MYBBP1A: variants seen among roughly 807,000 people sequenced by gnomAD.
MYBBP1A encodes the protein myb-binding protein 1A.
Under a neutral mutation model 136.3 loss-of-function variants are expected in MYBBP1A, and 147 were observed. The observed-to-expected ratio is 1.08, with a 90% CI of 0.94 to 1.24. The LOEUF is 1.24. Among genes scored for constraint, MYBBP1A ranks in the 50% most tolerant of loss-of-function variants. The pLI is 0.00. For synonymous variants in MYBBP1A, 947 were observed against 735.8 expected, an observed-to-expected ratio of 1.29 and a Z score of -4.65; for missense variants, 2,060 against 1,727.4, an observed-to-expected ratio of 1.19 and a Z score of -3.41.
Position 4,548,202 on chromosome 17 carries a change from G to A in MYBBP1A, c.1665C>T (p.His555=). 1.2e-6 allele frequency: 2 copies of A among 1,608,280 alleles called. No homozygotes were observed. The highest frequency in any genetic ancestry group is 2.2e-5 in the East Asian group (1 of 44,886). Residue 555 remains histidine (H), a synonymous_variant, in exon 12 of 26, where the codon CAC becomes CAT. Coordinates refer to ENST00000254718, the MANE Select transcript of MYBBP1A (RefSeq NM_014520.4). The surrounding 1 kb of genome is among the most constrained non-coding windows in gnomAD (Gnocchi z 4.2). ...LVQFADLLLN[H]SHNVTTVTPF... The stretch of plus-strand genomic sequence containing the variant: ...GTGTCACGGTGGTCACGTTGTGGCT[G>A]TGATTCAACAGGAGGTCTGCGAACT...
Position 4,539,613 on chromosome 17 carries a change from T to A in MYBBP1A, c.3789A>T (p.Gly1263=), listed in dbSNP as rs150145302. The A allele has an allele frequency of 1.7e-3, 2,760 of 1,613,942 alleles. 5 individuals carry two copies. The highest frequency in any genetic ancestry group is 7.4e-3 in the Middle Eastern group (45 of 6,062). Residue 1263 remains glycine (G), a synonymous_variant, in exon 26 of 26, where the codon GGA becomes GGT. Coordinates refer to ENST00000254718, the MANE Select transcript of MYBBP1A (RefSeq NM_014520.4). ...CAGGTTCCGTGGGGGACCCGGGAGC[T>A]CCATTCACCTGGGACGGCTTCTGGT... ...KKNQKPSQVN[G]APGSPTEPAG... is the part of the protein sequence containing the mutation.
chr17:4,547,686 G>A, intron 13 of MYBBP1A: 1 of 406,330 alleles, frequency 2.5e-6, no homozygotes, highest in Non-Finnish European at 4.4e-6. Flanking sequence ...CTGAGTCTTA[G>A]TTTCTCCATG....
chr17:4,548,405 A>C lies in MYBBP1A; in HGVS notation c.1557-95T>G. On this transcript the variant is annotated intron_variant, in intron 11 of 25. Transcript: ENST00000254718. The surrounding 1 kb of genome is among the most constrained non-coding windows in gnomAD (Gnocchi z 4.2). ...CCAGGGCTCGGTCTCCCGCCTCTCC[A>C]GGACCTACTAGAACTCCGGGGGCCT... 3 of 1,603,456 alleles carry C rather than the reference A, an allele frequency of 1.9e-6. No individual in the cohort carries two copies. The highest frequency in any genetic ancestry group is 2.6e-6 in the Non-Finnish European group (3 of 1,172,876).
Position 4,555,312 on chromosome 17 carries a change from C to T in MYBBP1A, c.13G>A (p.Asp5Asn). The change falls in exon 1 of 26, where the codon GAT becomes AAT. Residue 5 changes from aspartate (D) to asparagine (N), a missense_variant. Physicochemically the swap from Asp to Asn is conservative, Grantham distance 23. Coordinates refer to ENST00000254718, the MANE Select transcript of MYBBP1A (RefSeq NM_014520.4). MESR[D>N]PAQPMSPGEA... ...CCAGGCGACATCGGCTGGGCGGGATCCCGGCTCTCCATCTCCGCCACACTC... is the reference window on the plus strand; with the variant it reads ...CCAGGCGACATCGGCTGGGCGGGATTCCGGCTCTCCATCTCCGCCACACTC... 6.3e-7 allele frequency: 1 copy of T among 1,597,812 alleles called. No homozygotes were observed. Among genetic ancestry groups the T allele is most frequent in the Non-Finnish European group, 8.5e-7 (1 of 1,173,440 alleles).
At chr17:4,543,435 G>C in intron 19 of MYBBP1A, 1 of 524,246 alleles carries the variant, frequency 1.9e-6, no homozygotes, top group South Asian at 3.2e-5. Flanking sequence ...GCCTGCCTGG[G>C]GCACCCCTCC....
At chr17:4,546,354 T>C (rs1241946786) in intron 13 of MYBBP1A, among the ~76,000 whole-genome samples, 1 of 152,180 alleles carries the variant, frequency 6.6e-6, no homozygotes, top group Non-Finnish European at 1.5e-5. Flanking sequence ...CCTGACCTCG[T>C]GATCCACCCC....
At position 4,542,659 on chromosome 17, in the gene MYBBP1A, G is replaced by C. The variant is rs1167268860; in HGVS notation, c.2975C>G (p.Pro992Arg). The C allele has an allele frequency of 1.9e-6, 3 of 1,613,888 alleles. No homozygotes were observed. Among genetic ancestry groups the C allele is most frequent in the Non-Finnish European group, 2.5e-6 (3 of 1,179,940 alleles). The change falls in exon 21 of 26, where the codon CCC becomes CGC. Residue 992 changes from proline (P) to arginine (R), a missense_variant. Transcript: ENST00000254718. ...GCTGAGGAACATGGGAACTGTGAGG[G>C]GGCTGTTGCGCTTGGTCAGGAAGGA... Reference protein sequence around the residue: ...LSSFLTKRNSPLTVPMFLSLF... With the variant: ...LSSFLTKRNSRLTVPMFLSLF...
rs117781829 is a variant in MYBBP1A, at chr17:4,549,889, G to A, written c.1319+169C>T. ...ATCTCCCCATCCCGATCGCCAGTGT[G>A]GGGACACACAAGTAAACTGAGGCCT... On this transcript the variant is annotated intron_variant, in intron 9 of 25. Transcript: ENST00000254718. Among the ~76,000 whole-genome samples the A allele has an allele frequency of 4.2e-3, 632 of 152,206 alleles. 2 individuals are homozygous for A. The highest frequency in any genetic ancestry group is 0.024 in the Middle Eastern group (7 of 292).
chr17:4,548,283 G>C lies in MYBBP1A; in HGVS notation c.1584C>G (p.Phe528Leu). ...FSLLQTLSTQ[F>L]KQAPGQTQGG... ...CCTGGGTCTGGCCCGGTGCCTGCTT[G>C]AACTGCGTGCTGAGGGTCTGCAACA... The change falls in exon 12 of 26, where the codon TTC (phenylalanine) becomes TTG (leucine). Residue 528 changes from phenylalanine to leucine, a missense_variant. Transcript: ENST00000254718. The surrounding 1 kb of genome is among the most constrained non-coding windows in gnomAD (Gnocchi z 4.2). 1.2e-6 allele frequency: 2 copies of C among 1,612,576 alleles called. No individual in the cohort carries two copies. Among genetic ancestry groups the C allele is most frequent in the Non-Finnish European group, 1.7e-6 (2 of 1,179,996 alleles).
chr17:4,548,097 C>A lies in MYBBP1A; in HGVS notation c.1725-40G>T. 6.2e-7 allele frequency: 1 copy of A among 1,601,828 alleles called. No homozygotes were observed. The highest frequency in any genetic ancestry group is 8.5e-7 in the Non-Finnish European group (1 of 1,177,770). On this transcript the variant is annotated intron_variant, in intron 12 of 25. Transcript: ENST00000254718. This position sits in a 1 kb window ranked among gnomAD's most constrained non-coding sequence, Gnocchi z 4.2. Reference sequence around the variant, plus strand: ...GCGATTCCCAGGCCCCTGCACCAGTCAGACTGCAGCGTCCTGCCCACCCCC... The same window carrying A: ...GCGATTCCCAGGCCCCTGCACCAGTAAGACTGCAGCGTCCTGCCCACCCCC...
At chr17:4,549,594 C>T (rs1367377684) in intron 9 of MYBBP1A, 152 bp from the exon 10 acceptor site, 18 of 607,746 alleles carry the variant, frequency 3.0e-5, no homozygotes, top group South Asian at 2.1e-4. Flanking sequence ...CTGACCAACA[C>T]GGTGAAACCC....
chr17:4,551,521 C>T (rs1009199734), intron 8 of MYBBP1A, among the ~76,000 whole-genome samples: 5 of 152,198 alleles, frequency 3.3e-5, no homozygotes, highest in African/African-American at 1.2e-4. Flanking sequence ...CCAGCCTGGC[C>T]AACATGGCAA....
Position 4,541,450 on chromosome 17 carries a change from GC to G in MYBBP1A, c.3297+12del. On this transcript the variant is annotated intron_variant, in intron 24 of 25. Coordinates refer to ENST00000254718, the MANE Select transcript of MYBBP1A (RefSeq NM_014520.4). Reference sequence around the variant, plus strand: ...GAACCCGAACACGACCGCGGACTGGGCCCCCGCCTCACCTCATGTTTGCAGG... The same window carrying G: ...GAACCCGAACACGACCGCGGACTGGGCCCCGCCTCACCTCATGTTTGCAGG... The G allele has an allele frequency of 6.2e-7, 1 of 1,608,874 alleles. No homozygotes were observed.
Position 4,551,869 on chromosome 17 carries a change from G to A in MYBBP1A, c.1023+11C>T. 10 of 1,608,306 alleles carry A rather than the reference G, an allele frequency of 6.2e-6. No individual in the cohort carries two copies. Among genetic ancestry groups the A allele is most frequent in the Non-Finnish European group, 8.5e-6 (10 of 1,175,862 alleles). On this transcript the variant is annotated intron_variant, in intron 8 of 25. Coordinates refer to ENST00000254718, the MANE Select transcript of MYBBP1A (RefSeq NM_014520.4). ...TTTCTGGCAGTGTCGAGCTGCACGG[G>A]CATTACCCACCTTAGCAGTGCACAC... is the stretch of plus-strand genomic sequence containing the variant.
At chr17:4,542,336 G>T in intron 22 of MYBBP1A, 128 bp downstream of exon 22, 1 of 1,103,292 alleles carries the variant, frequency 9.1e-7, no homozygotes, top group Non-Finnish European at 1.3e-6. Context: ...AGCCAAGCCA[G>T]TGGGGCAGGG....
In MYBBP1A at chr17:4,539,769, C is replaced by T; in HGVS notation, c.3633G>A (p.Lys1211=). Residue 1211 remains lysine, a synonymous_variant, in exon 26 of 26, where the codon AAG becomes AAA. Transcript: ENST00000254718. The part of the protein sequence containing the change: ...GGSQPPSMGR[K]KRNRTKAKVP... Reference sequence around the variant, plus strand: ...CCTTAGCCTTTGTCCTGTTCCTCTTCTTCCTGCCCATGCTGGGGGGCTGGC... The same window carrying T: ...CCTTAGCCTTTGTCCTGTTCCTCTTTTTCCTGCCCATGCTGGGGGGCTGGC... 6.2e-7 allele frequency: 1 copy of T among 1,613,082 alleles called. No individual in the cohort carries two copies. The highest frequency in any genetic ancestry group is 8.5e-7 in the Non-Finnish European group (1 of 1,180,000).
intron 15 of MYBBP1A, 106 bp from the exon 16 acceptor site, chr17:4,545,451 C>T: frequency 1.3e-6 from 2 of 1,532,954 alleles, no homozygotes; most frequent in South Asian, 2.4e-5. Context: ...AAAACGGAGC[C>T]TAGGAGAGGC....
In MYBBP1A at chr17:4,548,106, G is replaced by A. The variant is rs1907158718; in HGVS notation, c.1724+37C>T. 6.2e-7 allele frequency: 1 copy of A among 1,603,064 alleles called. No individual in the cohort carries two copies. Among genetic ancestry groups the A allele is most frequent in the African/African-American group, 1.3e-5 (1 of 74,900 alleles). On this transcript the variant is annotated intron_variant, in intron 12 of 25. Coordinates refer to ENST00000254718, the MANE Select transcript of MYBBP1A (RefSeq NM_014520.4). This position sits in a 1 kb window ranked among gnomAD's most constrained non-coding sequence, Gnocchi z 4.2. ...AGGCCCCTGCACCAGTCAGACTGCA[G>A]CGTCCTGCCCACCCCCTGGAAATCC...
intron 20 of MYBBP1A, 85 bp from the exon 21 acceptor site, chr17:4,542,826 G>A: frequency 6.2e-7 from 1 of 1,601,538 alleles, no homozygotes; most frequent in Non-Finnish European, 8.5e-7. Context: ...TCATCAGAAG[G>A]CTGAGGGTTG....
Sources: allele counts gnomAD v4.1 joint callset (sites outside exome capture counted in the v4.1 genomes callset), GRCh38; gene constraint gnomAD v4.1.1; non-coding constraint Gnocchi (gnomAD v3.1); transcripts MANE v1.5; gene names NCBI Gene and HGNC (gene_info 2026-07-23, HGNC 2026-07-21).